Variants in SEH1L observed in about 807,000 individuals in gnomAD.
The protein encoded by SEH1L is SEH1 like nucleoporin, also known as nucleoporin SEH1.
In SEH1L, 18 loss-of-function variants were observed where a neutral mutation model predicts 49.5. The observed-to-expected ratio is 0.36, with a 90% confidence interval of 0.25 to 0.54. The LOEUF (loss-of-function observed/expected upper bound fraction) is 0.54. Among genes scored for constraint, SEH1L ranks in the 20% least tolerant of loss-of-function variants. SEH1L has a pLI of 0.87. For missense variants in SEH1L, 404 were observed against 528.8 expected, an observed-to-expected ratio of 0.76 and a Z score of 2.31; for synonymous variants, 169 against 178.1, an observed-to-expected ratio of 0.95 and a Z score of 0.41.
intron 5 of SEH1L, chr18:12,976,817 A>C (rs574232085): frequency 2.6e-5 from 4 of 152,082 alleles, no homozygotes; most frequent in African/African-American, 4.8e-5. Context: ...TACAAAAAAA[A>C]CAAAAAACAT....
intron 3 of SEH1L, among the ~76,000 whole-genome samples, chr18:12,962,467 T>TC (rs965991445): frequency 2.4e-5 from 3 of 124,862 alleles, no homozygotes; most frequent in African/African-American, 9.5e-5. Context: ...TTCTTTTTTT[T>TC]TTTTTTTTTT....
intron 1 of SEH1L, among the ~76,000 whole-genome samples, chr18:12,949,961 T>G (rs1397608852): frequency 1.3e-5 from 2 of 152,208 alleles, no homozygotes; most frequent in African/African-American, 4.8e-5. Flanking sequence ...GTACCTCAGA[T>G]AAATAGAATC....
intron 4 of SEH1L, among the ~76,000 whole-genome samples, chr18:12,966,207 C>T (rs1427628037): frequency 2.6e-5 from 4 of 151,290 alleles, no homozygotes; most frequent in Non-Finnish European, 5.9e-5. Flanking sequence ...ATTCTCCTGC[C>T]TCAGCCTCCT....
chr18:12,984,317 A>ATT, intron 8 of SEH1L, 127 bp downstream of exon 8: 1 of 1,005,844 alleles, frequency 9.9e-7, no homozygotes, highest in Non-Finnish European at 1.5e-6. Flanking sequence ...TTGTATTAGC[A>ATT]TTTAAGAATT....
intron 3 of SEH1L, among the ~76,000 whole-genome samples, chr18:12,961,917 C>T (rs1433618965): frequency 2.0e-5 from 3 of 152,144 alleles, no homozygotes; most frequent in African/African-American, 7.2e-5. Context: ...TCACCCGCCT[C>T]AGTCTCCCAA....
At chr18:12,957,036 C>G (rs2030905695) in intron 3 of SEH1L, among the ~76,000 whole-genome samples, 1 of 151,198 alleles carries the variant, frequency 6.6e-6, no homozygotes, top group African/African-American at 2.4e-5. Flanking sequence ...CCACTGCACT[C>G]CAGCCTGGGC....
At chr18:12,966,059 T>G (rs9951490) in intron 4 of SEH1L, among the ~76,000 whole-genome samples, 47,114 of 151,436 alleles carry the variant, frequency 0.31, 8,254 homozygotes, top group East Asian at 0.62. Flanking sequence ...ATCTTACTTA[T>G]CACTTACCAT....
intron 2 of SEH1L, among the ~76,000 whole-genome samples, chr18:12,953,702 C>G (rs767875721): frequency 6.6e-6 from 1 of 152,140 alleles, no homozygotes; most frequent in Non-Finnish European, 1.5e-5. Flanking sequence ...TTAATAATTT[C>G]AGAGTAAACA....
chr18:12,948,867 T>TTC (rs1408338516), intron 1 of SEH1L: 1 of 149,924 alleles, frequency 6.7e-6, no homozygotes, highest in Non-Finnish European at 1.5e-5. Flanking sequence ...TTTTTTTTTT[T>TTC]GAGACCGAGT....
rs2031443138 is a variant in SEH1L at position 12,966,134 on chromosome 18, C to T, written c.521+2763C>T. On this transcript the variant is annotated intron_variant, in intron 4 of 8. Coordinates refer to ENST00000399892, the MANE Select transcript of SEH1L (RefSeq NM_001013437.2). The stretch of plus-strand genomic sequence containing the variant: ...TGGAGACAGAGTCTTGCTCTGTCAC[C>T]CAGGCTGGAGTGCAGTGGTGTGATC... Among the ~76,000 whole-genome samples the T allele has an allele frequency of 2.7e-5, 4 of 150,620 alleles. No individual in the cohort carries two copies. The South Asian group carries it at 8.3e-4, about 31-fold the overall frequency.
At chr18:12,985,970 A>G in intron 8 of SEH1L, 4 of 895,706 alleles carry the variant, frequency 4.5e-6, no homozygotes, top group South Asian at 1.0e-4. Flanking sequence ...CATAGTCACT[A>G]AAGAGATAAA....
intron 3 of SEH1L, among the ~76,000 whole-genome samples, chr18:12,960,242 A>G (rs113502922): frequency 1.4e-4 from 22 of 152,378 alleles, no homozygotes; most frequent in African/African-American, 5.0e-4. Flanking sequence ...TATTGTGGCA[A>G]CAAGGGATAT....
intron 4 of SEH1L, among the ~76,000 whole-genome samples, chr18:12,965,106 T>TCCTG (rs1555690555): frequency 6.9e-6 from 1 of 145,234 alleles, no homozygotes; most frequent in African/African-American, 2.5e-5. Context: ...CTCCGCCTCC[T>TCCTG]GGTTCAAGCG....
intron 8 of SEH1L, among the ~76,000 whole-genome samples, chr18:12,984,468 C>T (rs1056147000): frequency 6.6e-6 from 1 of 152,200 alleles, no homozygotes; most frequent in African/African-American, 2.4e-5. Context: ...GCTTCCGCAA[C>T]AGTGAGAGGA....
At chr18:12,954,723 C>A (rs2030749646) in intron 2 of SEH1L, among the ~76,000 whole-genome samples, 1 of 152,174 alleles carries the variant, frequency 6.6e-6, no homozygotes, top group Non-Finnish European at 1.5e-5. Context: ...CCACCTCAGC[C>A]CCCTAAAGGG....
At chr18:12,980,445 C>T (rs1219421708) in intron 6 of SEH1L, among the ~76,000 whole-genome samples, 2 of 75,446 alleles carry the variant, frequency 2.7e-5, no homozygotes, top group Non-Finnish European at 5.0e-5. Context: ...CCCTCCCGGA[C>T]GGGGCGGCTG....
At chr18:12,966,108 T>C (rs1295988099) in intron 4 of SEH1L, among the ~76,000 whole-genome samples, 1 of 150,768 alleles carries the variant, frequency 6.6e-6, no homozygotes, top group African/African-American at 2.4e-5. Flanking sequence ...TTTTTTTTTT[T>C]TGGAGACAGA....
At chr18:12,981,053 C>A (rs2032228120) in intron 6 of SEH1L, among the ~76,000 whole-genome samples, 1 of 151,104 alleles carries the variant, frequency 6.6e-6, no homozygotes, top group Admixed American at 6.6e-5. Flanking sequence ...AGGGGCTTCT[C>A]ACTTCTCAGA....
chr18:12,955,532 T>C lies in SEH1L; in HGVS notation c.232T>C (p.Ser78Pro). The C allele has an allele frequency of 6.2e-7, 1 of 1,614,076 alleles. No individual in the cohort carries two copies. The highest frequency in any genetic ancestry group is 8.5e-7 in the Non-Finnish European group (1 of 1,180,008). ...ATTTGGGCAGGTTTTGGCTTCCTGT[T>C]CTTTTGACCGAACAGCTGCTGTATG... ...PEFGQVLASC[S>P]FDRTAAVWEE... Residue 78 changes from serine (S) to proline (P), a missense_variant, in exon 3 of 9, where the codon TCT (serine) becomes CCT (proline). Physicochemically the swap from Ser to Pro is moderately conservative, Grantham distance 74. This residue lies in a region of SEH1L where 342 missense variants were observed against 430.8 expected (regional missense o/e 0.79). Coordinates refer to ENST00000399892, the MANE Select transcript of SEH1L (RefSeq NM_001013437.2).
Sources: allele counts gnomAD v4.1 joint callset (sites outside exome capture counted in the v4.1 genomes callset), GRCh38; gene constraint gnomAD v4.1.1; regional missense constraint gnomAD v4.1.1; transcripts MANE v1.5; gene names NCBI Gene and HGNC (gene_info 2026-07-23, HGNC 2026-07-21).